The following PHACTR2 variants were observed in gnomAD, a reference collection of about 807,000 sequenced individuals.
PHACTR2 encodes the protein phosphatase and actin regulator 2, also known as chromosome 6 open reading frame 56.
Under a neutral mutation model 76.0 loss-of-function variants are expected in PHACTR2, and 30 were observed. The ratio of observed to expected loss-of-function variants is 0.39; its 90% CI spans 0.30 to 0.54. PHACTR2 has a LOEUF of 0.54. Ranked by LOEUF, PHACTR2 falls within the 20% of genes least tolerant of loss-of-function variation. The pLI is 0.61. For missense variants in PHACTR2, 696 were observed against 781.1 expected, an observed-to-expected ratio of 0.89 and a Z score of 1.30; for synonymous variants, 292 against 292.5, an observed-to-expected ratio of 1.00 and a Z score of 0.02.
In PHACTR2 at chr6:143,809,182, G is replaced by C. The variant is rs1206973661; in HGVS notation, c.1922+2049G>C. ...AGCATGATATAAAGAACAAATTACA[G>C]TCAAAAGGAATCAAATTTTAAAAGT... On this transcript the variant is annotated intron_variant, in intron 12 of 12. Coordinates refer to ENST00000440869, the MANE Select transcript of PHACTR2 (RefSeq NM_001100164.2). This position sits in a 1 kb window ranked among gnomAD's most constrained non-coding sequence, Gnocchi z 4.2. 6.6e-6 allele frequency among the ~76,000 whole-genome samples: 1 copy of C among 152,254 alleles called. No individual in the cohort carries two copies. Among genetic ancestry groups the C allele is most frequent in the African/African-American group, 2.4e-5 (1 of 41,556 alleles).
At chr6:143,545,807 G>T (rs1413440841) in intron 1 of PHACTR2, among the ~76,000 whole-genome samples, 2 of 152,172 alleles carry the variant, frequency 1.3e-5, no homozygotes, top group East Asian at 3.8e-4. Context: ...GAGATCATCA[G>T]AATAAATATC....
chr6:143,620,347 G>A (rs1259279858), intron 1 of PHACTR2, among the ~76,000 whole-genome samples: 2 of 151,746 alleles, frequency 1.3e-5, no homozygotes, highest in Non-Finnish European at 2.9e-5. Context: ...AACTCCCAAA[G>A]TACCCTTGAG....
In PHACTR2 at chr6:143,678,332, GA is replaced by G; in HGVS notation, c.46+126del. The G allele has an allele frequency of 1.1e-6, 1 of 878,570 alleles. No individual in the cohort carries two copies. Among genetic ancestry groups the G allele is most frequent in the South Asian group, 2.4e-5 (1 of 42,212 alleles). The allele number at this position is 878,570 out of a possible 1,614,324, so 54.4% of individuals were successfully genotyped here. A position where few individuals can be genotyped will look rare whatever the true frequency, so the allele number is the denominator to read the frequency against. On this transcript the variant is annotated intron_variant, in intron 1 of 12. Transcript: ENST00000440869. This position sits in a 1 kb window ranked among gnomAD's most constrained non-coding sequence, Gnocchi z 6.2. ...GCTCGGACCCGCCAAGTCCCTCGGA[GA>G]AACCCCAGAGGTAGCGCTCGCCAAA...
Position 143,818,006 on chromosome 6 carries a change from CACAA to C in PHACTR2, c.1923-5666_1923-5663del, listed in dbSNP as rs1776336634. 6.6e-6 allele frequency among the ~76,000 whole-genome samples: 1 copy of C among 152,082 alleles called. No homozygotes were observed. Among genetic ancestry groups the C allele is most frequent in the African/African-American group, 2.4e-5 (1 of 41,410 alleles). ...AAGAGAGAATTTTGAATGTTCCTGA[CACAA>C]AGAAATGATAAATGTGTAGGATGAT... is the stretch of plus-strand genomic sequence containing the variant. On this transcript the variant is annotated intron_variant, in intron 12 of 12. Coordinates refer to ENST00000440869, the MANE Select transcript of PHACTR2 (RefSeq NM_001100164.2). The surrounding 1 kb of genome is among the most constrained non-coding windows in gnomAD (Gnocchi z 4.9).
Position 143,793,642 on chromosome 6 carries a change from C to T in PHACTR2, c.1845+4732C>T, listed in dbSNP as rs749713241. Reference sequence around the variant, plus strand: ...AAAATATTGGCCAGGCATGGTGGCTCATGCCTGTAATCCTAGCACTTTGGG... The same window carrying T: ...AAAATATTGGCCAGGCATGGTGGCTTATGCCTGTAATCCTAGCACTTTGGG... On this transcript the variant is annotated intron_variant, in intron 11 of 12. Coordinates refer to ENST00000440869, the MANE Select transcript of PHACTR2 (RefSeq NM_001100164.2). This position sits in a 1 kb window ranked among gnomAD's most constrained non-coding sequence, Gnocchi z 4.4. 5.3e-5 allele frequency among the ~76,000 whole-genome samples: 8 copies of T among 152,110 alleles called. No individual in the cohort carries two copies. The highest frequency in any genetic ancestry group is 8.8e-5 in the Non-Finnish European group (6 of 68,026).
Position 143,755,102 on chromosome 6 carries a change from G to A in PHACTR2, c.454+1190G>A, listed in dbSNP as rs946523288. ...AATGTATTATTTTGCTTTATTTCAA[G>A]GGCTTTATCTAGCCTTGTTCCATTG... On this transcript the variant is annotated intron_variant, in intron 4 of 12. Coordinates refer to ENST00000440869, the MANE Select transcript of PHACTR2 (RefSeq NM_001100164.2). This position sits in a 1 kb window ranked among gnomAD's most constrained non-coding sequence, Gnocchi z 5.2. 6.6e-5 allele frequency among the ~76,000 whole-genome samples: 10 copies of A among 152,144 alleles called. No homozygotes were observed. The highest frequency in any genetic ancestry group is 6.5e-4 in the Admixed American group (10 of 15,274).
intron 1 of PHACTR2, among the ~76,000 whole-genome samples, chr6:143,559,264 T>C (rs900996548): frequency 6.6e-6 from 1 of 152,194 alleles, no homozygotes. Flanking sequence ...TTGCATATGA[T>C]CAAGCAGGTC....
At chr6:143,572,718 AATTTTTGT>A (rs1225634559) in intron 1 of PHACTR2, among the ~76,000 whole-genome samples, 1 of 152,132 alleles carries the variant, frequency 6.6e-6, no homozygotes, top group Non-Finnish European at 1.5e-5. Context: ...ACACCCAGCT[AATTTTTGT>A]ATTTTTGGTA....
rs1778193385 is a variant in PHACTR2 at position 143,712,180 on chromosome 6, G to T, written c.211G>T (p.Ala71Ser). The T allele has an allele frequency of 6.6e-7, 1 of 1,519,692 alleles. No homozygotes were observed. The highest frequency in any genetic ancestry group is 8.8e-7 in the Non-Finnish European group (1 of 1,137,250). 94.1% of individuals were successfully genotyped at this position (1,519,692 alleles called of 1,614,324 possible). Reference sequence around the variant, plus strand: ...CAGCGACAAATTTAGAGAAACCTCGGCAGGTATGAGTATCATAACTTGTTA... The same window carrying T: ...CAGCGACAAATTTAGAGAAACCTCGTCAGGTATGAGTATCATAACTTGTTA... The part of the protein sequence containing the change: ...KTSDKFRETS[A>S]VLERKISTRQ... Residue 71 changes from alanine (A) to serine (S), a missense_variant, in exon 2 of 13, where the codon GCA (alanine) becomes TCA (serine). By Grantham distance (99) the Ala-to-Ser change is moderately conservative (BLOSUM62 1). This residue lies in a region of PHACTR2 where 460 missense variants were observed against 450.9 expected (regional missense o/e 1.02). Coordinates refer to ENST00000440869, the MANE Select transcript of PHACTR2 (RefSeq NM_001100164.2).
intron 2 of PHACTR2, among the ~76,000 whole-genome samples, chr6:143,727,501 G>C (rs1778600015): frequency 1.3e-5 from 2 of 152,054 alleles, no homozygotes; most frequent in Non-Finnish European, 2.9e-5. Context: ...TGGATCATAT[G>C]GTGGCTCTAT....
rs561840029 is a variant in PHACTR2 at position 143,561,369 on chromosome 6, T to G, written c.217+24162T>G. On this transcript the variant is annotated intron_variant, in intron 1 of 11. Transcript: ENST00000367584. This position sits in a 1 kb window ranked among gnomAD's most constrained non-coding sequence, Gnocchi z 4.1. The stretch of plus-strand genomic sequence containing the variant: ...GAAGATTAGGTTGTTGCTCAATGTT[T>G]GTTGAATGAATAACTGAATGTGAGA... 4 of 152,404 alleles carry G rather than the reference T, an allele frequency of 2.6e-5. No individual in the cohort carries two copies. Among genetic ancestry groups the G allele is most frequent in the Admixed American group, 2.6e-4 (4 of 15,304 alleles). 9.4% of individuals were successfully genotyped at this position (152,404 alleles called of 1,614,324 possible). A position where few individuals can be genotyped will look rare whatever the true frequency, so the allele number is the denominator to read the frequency against.
At chr6:143,703,517 G>A (rs9918476) in intron 1 of PHACTR2, among the ~76,000 whole-genome samples, 4,419 of 152,246 alleles carry the variant, frequency 0.029, 212 homozygotes, top group African/African-American at 0.099. Context: ...GAATAGCAGG[G>A]TTACGAGCAA....
intron 1 of PHACTR2, among the ~76,000 whole-genome samples, chr6:143,681,684 C>T (rs1028785457): frequency 1.2e-4 from 19 of 152,184 alleles, no homozygotes; most frequent in African/African-American, 4.3e-4. Context: ...AAGACTTACA[C>T]CTGTGTTTTC....
chr6:143,698,505 G>C lies in PHACTR2; in HGVS notation c.47-13511G>C, dbSNP rs1387139992. Among the ~76,000 whole-genome samples, 1 of 152,090 alleles carries C rather than the reference G, an allele frequency of 6.6e-6. No homozygotes were observed. The highest frequency in any genetic ancestry group is 1.5e-5 in the Non-Finnish European group (1 of 68,034). On this transcript the variant is annotated intron_variant, in intron 1 of 12. Transcript: ENST00000440869. This position sits in a 1 kb window ranked among gnomAD's most constrained non-coding sequence, Gnocchi z 4.3. ...TTGCATAGGATATTTCTACCTTTTAGGCAATGCTATGAAACTAGACTAAAC... is the reference window on the plus strand; with the variant it reads ...TTGCATAGGATATTTCTACCTTTTACGCAATGCTATGAAACTAGACTAAAC...
In PHACTR2 at chr6:143,749,078, A is replaced by C. The variant is rs185754412; in HGVS notation, c.295+13A>C. On this transcript the variant is annotated intron_variant, in intron 3 of 12. Coordinates refer to ENST00000440869, the MANE Select transcript of PHACTR2 (RefSeq NM_001100164.2). ...TTGCCTGATCAAGGTGAGGAAATTA[A>C]TCATACATTTTAAATATTTTGGTCC... The C allele has an allele frequency of 6.0e-5, 83 of 1,373,786 alleles. No individual in the cohort carries two copies. The Admixed American group carries it at 8.9e-4, about 15-fold the overall frequency. 85.1% of individuals were successfully genotyped at this position (1,373,786 alleles called of 1,614,324 possible).
At chr6:143,582,019 A>G (rs11155304) in intron 1 of PHACTR2, among the ~76,000 whole-genome samples, 11,940 of 152,292 alleles carry the variant, frequency 0.078, 553 homozygotes, top group South Asian at 0.11. Context: ...TGTACCGTCA[A>G]TATGAGGAAA....
chr6:143,682,761 A>G (rs1777421486), intron 1 of PHACTR2, among the ~76,000 whole-genome samples: 1 of 150,320 alleles, frequency 6.7e-6, no homozygotes, highest in Non-Finnish European at 1.5e-5. Flanking sequence ...ATCTAACAAA[A>G]AAAGTTGTTT....
chr6:143,742,118 C>A lies in PHACTR2; in HGVS notation c.215-6867C>A, dbSNP rs963054757. Reference sequence around the variant, plus strand: ...GAAACTCCATCTCAAAAAAAAAAAACAACAACATTTATTTGATACTTTTTT... The same window carrying A: ...GAAACTCCATCTCAAAAAAAAAAAAAAACAACATTTATTTGATACTTTTTT... On this transcript the variant is annotated intron_variant, in intron 2 of 12. Transcript: ENST00000440869. The surrounding 1 kb of genome is among the most constrained non-coding windows in gnomAD (Gnocchi z 4.5). Among the ~76,000 whole-genome samples, 5 of 150,566 alleles carry A rather than the reference C, an allele frequency of 3.3e-5. No homozygotes were observed. Among genetic ancestry groups the A allele is most frequent in the African/African-American group, 9.8e-5 (4 of 40,994 alleles).
Position 143,795,010 on chromosome 6 carries a change from A to G in PHACTR2, c.1845+6100A>G, listed in dbSNP as rs551916187. ...AAGGCCCTTGCTGGTTGTGGTGGGGAATCTCCGGAATCTGGTAGTCTGGTT... is the reference window on the plus strand; with the variant it reads ...AAGGCCCTTGCTGGTTGTGGTGGGGGATCTCCGGAATCTGGTAGTCTGGTT... On this transcript the variant is annotated intron_variant, in intron 11 of 12. Coordinates refer to ENST00000440869, the MANE Select transcript of PHACTR2 (RefSeq NM_001100164.2). This position sits in a 1 kb window ranked among gnomAD's most constrained non-coding sequence, Gnocchi z 4.8. Among the ~76,000 whole-genome samples the G allele has an allele frequency of 6.6e-5, 10 of 152,236 alleles. No homozygotes were observed. Among genetic ancestry groups the G allele is most frequent in the Admixed American group, 2.0e-4 (3 of 15,292 alleles).
Sources: allele counts gnomAD v4.1 joint callset (sites outside exome capture counted in the v4.1 genomes callset), GRCh38; gene constraint gnomAD v4.1.1; regional missense constraint gnomAD v4.1.1; non-coding constraint Gnocchi (gnomAD v3.1); transcripts MANE v1.5; gene names NCBI Gene and HGNC (gene_info 2026-07-23, HGNC 2026-07-21).